LSAMP: variants seen among roughly 807,000 people sequenced by gnomAD.
The protein encoded by LSAMP is limbic system associated membrane protein, also known as limbic system-associated membrane protein.
LSAMP carries 7 observed loss-of-function variants against 38.6 expected under a neutral mutation model. That is an observed-to-expected ratio of 0.18 (90% CI 0.10 to 0.34). LSAMP has a LOEUF of 0.34. LSAMP is among the 10% of genes least tolerant of loss of function. LSAMP has a pLI of 1.00. For missense variants in LSAMP, 313 were observed against 420.0 expected, an observed-to-expected ratio of 0.75 and a Z score of 2.23; for synonymous variants, 154 against 166.8, an observed-to-expected ratio of 0.92 and a Z score of 0.59.
chr3:115,932,302 A>G (rs1937592428), intron 3 of LSAMP, among the ~76,000 whole-genome samples: 1 of 152,254 alleles, frequency 6.6e-6, no homozygotes, highest in Non-Finnish European at 1.5e-5. Context: ...TCTTCTGACC[A>G]CAGAACCTGT....
At chr3:115,973,770 T>C (rs1037510729) in intron 3 of LSAMP, among the ~76,000 whole-genome samples, 2 of 152,146 alleles carry the variant, frequency 1.3e-5, no homozygotes, top group Non-Finnish European at 2.9e-5. Context: ...ATATACACCT[T>C]ATATACAGAG....
chr3:116,191,446 T>C (rs1710753017), intron 1 of LSAMP, among the ~76,000 whole-genome samples: 1 of 152,120 alleles, frequency 6.6e-6, no homozygotes, highest in Non-Finnish European at 1.5e-5. Context: ...TGAATGATAT[T>C]GTGTGAGTTT....
Position 116,189,845 on chromosome 3 carries a change from A to G in LSAMP, c.156-103289T>C, listed in dbSNP as rs113934114. On this transcript the variant is annotated intron_variant, in intron 1 of 6. Transcript: ENST00000490035. ...AAGAGTGGGAACACAAATAAGTTGT[A>G]CAGAAAGATGAAACAATCATTTTGT... Among the ~76,000 whole-genome samples, 620 of 152,284 alleles carry G rather than the reference A, an allele frequency of 4.1e-3. 7 individuals are homozygous for G. Among genetic ancestry groups the G allele is most frequent in the African/African-American group, 0.014 (582 of 41,564 alleles).
intron 1 of LSAMP, among the ~76,000 whole-genome samples, chr3:116,158,797 G>A (rs1182180468): frequency 2.0e-5 from 3 of 152,026 alleles, no homozygotes; most frequent in Non-Finnish European, 2.9e-5. Flanking sequence ...CAGATTCAGA[G>A]ATATTCCTAT....
intron 1 of LSAMP, among the ~76,000 whole-genome samples, chr3:116,119,517 G>T (rs1708827898): frequency 6.6e-6 from 1 of 151,946 alleles, no homozygotes; most frequent in African/African-American, 2.4e-5. Flanking sequence ...AAATACTGGG[G>T]TTAGTACATA....
At chr3:116,099,117 C>T (rs528942238) in intron 1 of LSAMP, among the ~76,000 whole-genome samples, 3 of 152,176 alleles carry the variant, frequency 2.0e-5, no homozygotes, top group African/African-American at 4.8e-5. Context: ...TAAGTTCCTT[C>T]GGAAATTTCA....
At chr3:116,330,396 G>A (rs564865016) in intron 1 of LSAMP, among the ~76,000 whole-genome samples, 104 of 152,154 alleles carry the variant, frequency 6.8e-4, no homozygotes, top group African/African-American at 2.3e-3. Flanking sequence ...CAAATATAAG[G>A]AATCTTTGGT....
intron 1 of LSAMP, among the ~76,000 whole-genome samples, chr3:116,111,682 C>A (rs576864791): frequency 3.3e-5 from 5 of 152,180 alleles, no homozygotes; most frequent in Non-Finnish European, 7.4e-5. Context: ...TATATTATTG[C>A]ACAGATTTGC....
intron 1 of LSAMP, among the ~76,000 whole-genome samples, chr3:116,329,467 G>C (rs148063650): frequency 6.6e-6 from 1 of 152,154 alleles, no homozygotes; most frequent in Non-Finnish European, 1.5e-5. Flanking sequence ...ATTGTTGGCA[G>C]AGAAAAATAC....
intron 3 of LSAMP, among the ~76,000 whole-genome samples, chr3:115,918,510 T>C (rs1446094090): frequency 6.6e-6 from 1 of 152,146 alleles, no homozygotes; most frequent in Non-Finnish European, 1.5e-5. Context: ...GCCAAGACTG[T>C]TACCTACATC....
At chr3:116,379,331 G>A (rs2048530142) in intron 1 of LSAMP, among the ~76,000 whole-genome samples, 1 of 151,946 alleles carries the variant, frequency 6.6e-6, no homozygotes, top group African/African-American at 2.4e-5. Context: ...TCTCTGAGTA[G>A]GTGAGAAGGA....
At chr3:116,300,621 C>G (rs554883982) in intron 1 of LSAMP, among the ~76,000 whole-genome samples, 354 of 152,284 alleles carry the variant, frequency 2.3e-3, no homozygotes, top group Non-Finnish European at 3.0e-3. Context: ...TATGAAGGAT[C>G]TAGGTTGCAT....
chr3:116,316,503 T>G (rs750428478), intron 1 of LSAMP, among the ~76,000 whole-genome samples: 80 of 152,274 alleles, frequency 5.3e-4, no homozygotes, highest in South Asian at 8.3e-4. Context: ...CCGGGCGCCG[T>G]GGCTCACGCC....
At chr3:115,924,741 A>T (rs545220523) in intron 3 of LSAMP, among the ~76,000 whole-genome samples, 12 of 152,348 alleles carry the variant, frequency 7.9e-5, no homozygotes, top group African/African-American at 2.9e-4. Flanking sequence ...ATTAAAAATT[A>T]TGCTTAAATA....
chr3:116,127,695 ATTTTTTTTTTTT>A (rs67470158), intron 1 of LSAMP, among the ~76,000 whole-genome samples: 15 of 96,646 alleles, frequency 1.6e-4, no homozygotes, highest in African/African-American at 1.8e-4. Context: ...GTGTTTGTTC[ATTTTTTTTTTTT>A]TTTTTTTTTT....
In LSAMP at chr3:115,823,899, G is replaced by T. The variant is rs116502668; in HGVS notation, c.920-13485C>A. The stretch of plus-strand genomic sequence containing the variant: ...CTACTGACCAGAGGCTTGATGTACT[G>T]GGTATTGTCGTATAAAGTAAGTATA... On this transcript the variant is annotated intron_variant, in intron 6 of 6. Coordinates refer to ENST00000490035, the MANE Select transcript of LSAMP (RefSeq NM_002338.5). 3.9e-3 allele frequency among the ~76,000 whole-genome samples: 599 copies of T among 152,268 alleles called. 2 individuals are homozygous for T. The highest frequency in any genetic ancestry group is 1.0e-2 in the South Asian group (48 of 4,820).
intron 1 of LSAMP, among the ~76,000 whole-genome samples, chr3:116,303,745 C>T (rs1028005307): frequency 6.6e-6 from 1 of 152,088 alleles, no homozygotes; most frequent in Non-Finnish European, 1.5e-5. Flanking sequence ...TCAGTACGTG[C>T]GGATTGGCAC....
intron 3 of LSAMP, among the ~76,000 whole-genome samples, chr3:115,946,825 G>A (rs1252546635): frequency 6.6e-6 from 1 of 151,676 alleles, no homozygotes; most frequent in Non-Finnish European, 1.5e-5. Flanking sequence ...AAAAATATAC[G>A]AATAAAATAA....
At chr3:116,027,629 C>T (rs1180407071) in intron 2 of LSAMP, among the ~76,000 whole-genome samples, 3 of 152,194 alleles carry the variant, frequency 2.0e-5, no homozygotes, top group African/African-American at 7.2e-5. Flanking sequence ...ACTCCTTTGG[C>T]TTCCACATGC....
Sources: allele counts gnomAD v4.1 joint callset (sites outside exome capture counted in the v4.1 genomes callset), GRCh38; gene constraint gnomAD v4.1.1; transcripts MANE v1.5; gene names NCBI Gene and HGNC (gene_info 2026-07-23, HGNC 2026-07-21).